Variants in CXADR observed in about 807,000 individuals in gnomAD.
The protein encoded by CXADR is coxsackievirus and adenovirus receptor.
A neutral mutation model predicts 40.3 loss-of-function variants in CXADR; 20 were observed. The ratio of observed to expected loss-of-function variants is 0.50; its 90% CI spans 0.35 to 0.72. The LOEUF is 0.72. Among genes scored for constraint, CXADR ranks in the 30% least tolerant of loss-of-function variants. CXADR has a pLI of 0.01. For synonymous variants in CXADR, 150 were observed against 161.3 expected (o/e 0.93, Z 0.53); for missense variants, 332 against 449.1 (o/e 0.74, Z 2.36).
Position 17,567,048 on chromosome 21 carries a change from T to C in CXADR, c.*1356T>C. On this transcript the variant is annotated 3_prime_UTR_variant, in exon 7 of 7. Coordinates refer to ENST00000284878, the MANE Select transcript of CXADR (RefSeq NM_001338.5). ...TAAATATCATTTTAGGAGAAGAAAGTGGGTTTATTGTATTTCCCTTAAGAT... is the reference window on the plus strand; with the variant it reads ...TAAATATCATTTTAGGAGAAGAAAGCGGGTTTATTGTATTTCCCTTAAGAT... 2.0e-6 allele frequency: 2 copies of C among 983,428 alleles called. No homozygotes were observed. The highest frequency in any genetic ancestry group is 2.4e-6 in the Non-Finnish European group (2 of 828,228). The allele number at this position is 983,428 out of a possible 1,614,324, so 60.9% of individuals were successfully genotyped here.
chr21:17,528,068 C>CTTTTTTTTTTTTTTTTTTT (rs35477813), intron 1 of CXADR, among the ~76,000 whole-genome samples: 14 of 78,352 alleles, frequency 1.8e-4, no homozygotes, highest in South Asian at 5.1e-4. Flanking sequence ...TTAGTTCTTT[C>CTTTTTTTTTTTTTTTTTTT]TTTTTTTTTT....
At chr21:17,594,482 C>A, downstream of CXADR, 1 of 919,114 alleles carries the variant, frequency 1.1e-6, no homozygotes, top group Non-Finnish European at 1.6e-6. Context: ...ACATTAAAAA[C>A]CTCATGTGTA....
chr21:17,599,326 G>A, the CXADR span, among the ~76,000 whole-genome samples: 14 of 151,976 alleles, frequency 9.2e-5, no homozygotes, highest in African/African-American at 3.4e-4. Context: ...GACTACAGGA[G>A]TGTACCACCA....
At chr21:17,522,170 C>T (rs770094405) in intron 1 of CXADR, among the ~76,000 whole-genome samples, 3 of 150,836 alleles carry the variant, frequency 2.0e-5, no homozygotes, top group Non-Finnish European at 4.4e-5. Context: ...TTTTTGGAGA[C>T]GGAGTTTTGC....
intron 1 of CXADR, among the ~76,000 whole-genome samples, chr21:17,524,483 G>A (rs1042367830): frequency 7.3e-5 from 11 of 149,838 alleles, no homozygotes; most frequent in Non-Finnish European, 1.6e-4. Context: ...CTACCCAGGA[G>A]GAGAATCGCT....
chr21:17,521,106 G>A (rs2060524838), intron 1 of CXADR, among the ~76,000 whole-genome samples: 1 of 152,070 alleles, frequency 6.6e-6, no homozygotes, highest in Non-Finnish European at 1.5e-5. Flanking sequence ...GAAATGTGAG[G>A]CGGGGGAAAC....
At chr21:17,599,615 G>A in the CXADR span, among the ~76,000 whole-genome samples, 1 of 152,066 alleles carries the variant, frequency 6.6e-6, no homozygotes, top group Non-Finnish European at 1.5e-5. Flanking sequence ...AAGTAGCTGG[G>A]ATTACAGGTG....
chr21:17,575,778 T>G (rs948613458), intron 7 of CXADR, among the ~76,000 whole-genome samples: 1 of 149,900 alleles, frequency 6.7e-6, no homozygotes, highest in Non-Finnish European at 1.5e-5. Context: ...ATTTGTAAAA[T>G]TTTTAAAGTT....
chr21:17,517,516 A>G (rs1271753211), intron 1 of CXADR, among the ~76,000 whole-genome samples: 3 of 152,194 alleles, frequency 2.0e-5, no homozygotes, highest in Middle Eastern at 3.2e-3. Context: ...TTCTGATTCA[A>G]AAGCACATTC....
chr21:17,580,639 A>G (rs1384833030), intron 7 of CXADR, among the ~76,000 whole-genome samples: 5 of 152,186 alleles, frequency 3.3e-5, no homozygotes, highest in Non-Finnish European at 7.3e-5. Context: ...TAAAGATTAA[A>G]GTCTAAACCA....
At chr21:17,629,430 T>C in the CXADR span, among the ~76,000 whole-genome samples, 1 of 151,200 alleles carries the variant, frequency 6.6e-6, no homozygotes, top group Non-Finnish European at 1.5e-5. Context: ...CCATGTATGT[T>C]GGTATATGCC....
chr21:17,594,076 C>T, downstream of CXADR: 1 of 1,610,014 alleles, frequency 6.2e-7, no homozygotes, highest in Non-Finnish European at 8.5e-7. Flanking sequence ...ATGACACCAA[C>T]ACAATCAAAA....
chr21:17,580,912 G>A (rs996493101), intron 7 of CXADR, among the ~76,000 whole-genome samples: 1 of 151,934 alleles, frequency 6.6e-6, no homozygotes, highest in African/African-American at 2.4e-5. Flanking sequence ...CAGTACACCT[G>A]GCCAATCTTT....
At chr21:17,579,290 CT>C (rs60312076) in intron 7 of CXADR, among the ~76,000 whole-genome samples, 96 of 108,192 alleles carry the variant, frequency 8.9e-4, no homozygotes, top group Middle Eastern at 4.8e-3. Context: ...CTTCTCTTTT[CT>C]TTTTTTTTTT....
chr21:17,554,875 G>A (rs2061014335), intron 3 of CXADR, among the ~76,000 whole-genome samples: 1 of 152,148 alleles, frequency 6.6e-6, no homozygotes, highest in South Asian at 2.1e-4. Context: ...ATCTGAAGTA[G>A]TTGCCATCAT....
intron 1 of CXADR, among the ~76,000 whole-genome samples, chr21:17,528,747 A>G (rs1481459078): frequency 1.3e-5 from 2 of 152,106 alleles, no homozygotes; most frequent in African/African-American, 4.8e-5. Flanking sequence ...CACTTCTAAA[A>G]TCTTGAACTC....
intron 6 of CXADR, among the ~76,000 whole-genome samples, chr21:17,563,108 A>C (rs1289087102): frequency 6.6e-6 from 1 of 152,184 alleles, no homozygotes; most frequent in Non-Finnish European, 1.5e-5. Flanking sequence ...GGTGCAAGAT[A>C]CTAGCTTTCA....
At chr21:17,531,902 T>C (rs1031436589) in intron 1 of CXADR, among the ~76,000 whole-genome samples, 2 of 151,584 alleles carry the variant, frequency 1.3e-5, no homozygotes, top group African/African-American at 4.8e-5. Context: ...TAGGGTCTAA[T>C]AAAAGGTGTC....
chr21:17,614,126 T>C, the CXADR span: 6 of 152,120 alleles, frequency 3.9e-5, no homozygotes, highest in Non-Finnish European at 8.8e-5. Context: ...TATACTCTTC[T>C]AGGACTTAGT....
Sources: gnomAD v4.1 joint callset for allele counts (sites outside exome capture counted in the v4.1 genomes callset) on GRCh38, gnomAD v4.1.1 for gene constraint, MANE v1.5 for transcripts, NCBI Gene and HGNC (gene_info 2026-07-23, HGNC 2026-07-21) for gene names.